The following EPS8L2 variants were observed in gnomAD, a reference collection of about 807,000 sequenced individuals.
EPS8L2 encodes the protein EPS8 signaling adaptor L2, also known as epidermal growth factor receptor kinase substrate 8-like protein 2.
EPS8L2 carries 81 observed loss-of-function variants against 99.4 expected under a neutral mutation model. The ratio of observed to expected loss-of-function variants is 0.82; its 90% CI spans 0.68 to 0.98. The LOEUF (loss-of-function observed/expected upper bound fraction) is 0.98. Among genes scored for constraint, EPS8L2 ranks in the 50% least tolerant of loss-of-function variants. EPS8L2 has a pLI of 0.00. For synonymous variants in EPS8L2, 509 were observed against 407.3 expected (o/e 1.25, Z -3.01); for missense variants, 1,155 against 968.8 (o/e 1.19, Z -2.55).
chr11:718,983 T>C (rs1461572588), intron 4 of EPS8L2, among the ~76,000 whole-genome samples: 1 of 149,136 alleles, frequency 6.7e-6, no homozygotes, highest in Non-Finnish European at 1.5e-5. Flanking sequence ...TTTTTTTTTT[T>C]GAGACAGAGT....
chr11:724,855 A>G lies in EPS8L2; in HGVS notation c.1560+26A>G. ...GTGAGGGGCTGGAGGACGGGGTCCA[A>G]GAGGGGGAAACAGGGCAGGGCTTCA... On this transcript the variant is annotated intron_variant, in intron 16 of 20. Transcript: ENST00000318562. The surrounding 1 kb of genome is among the most constrained non-coding windows in gnomAD (Gnocchi z 5.5). 4.5e-6 allele frequency: 7 copies of G among 1,547,808 alleles called. No homozygotes were observed. The highest frequency in any genetic ancestry group is 5.4e-6 in the Non-Finnish European group (6 of 1,121,362).
chr11:726,995 G>C lies in EPS8L2; in HGVS notation c.*14G>C. On this transcript the variant is annotated 3_prime_UTR_variant, in exon 21 of 21. Transcript: ENST00000318562. ...GAGGACAGCTAGGCCCAGCTGCCTT[G>C]GGCTGGGGCCTGCGGAGGGGAAGCC... 5 of 1,598,944 alleles carry C rather than the reference G, an allele frequency of 3.1e-6. No homozygotes were observed. The highest frequency in any genetic ancestry group is 4.3e-6 in the Non-Finnish European group (5 of 1,167,966).
rs1342236198 is a variant in EPS8L2, at chr11:727,491, A to G, written c.*510A>G. On this transcript the variant is annotated 3_prime_UTR_variant, in exon 21 of 21. Coordinates refer to ENST00000318562, the MANE Select transcript of EPS8L2 (RefSeq NM_022772.4). ...GGGGGAAAGTGGGGGAACGACACAC[A>G]CTTCACCTGCAAGGGCCGACAACGC... 6.5e-6 allele frequency: 1 copy of G among 153,952 alleles called. No individual in the cohort carries two copies. Among genetic ancestry groups the G allele is most frequent in the Non-Finnish European group, 1.4e-5 (1 of 69,020 alleles). 9.5% of individuals were successfully genotyped at this position (153,952 alleles called of 1,614,324 possible).
rs1167101062 is a variant in EPS8L2 at position 721,129 on chromosome 11, T to TC, written c.627dup (p.Phe210LeufsTer102). On this transcript the variant is annotated frameshift_variant, in exon 8 of 21. Coordinates refer to ENST00000318562, the MANE Select transcript of EPS8L2 (RefSeq NM_022772.4). LOFTEE classifies it high-confidence loss of function. ...CCTCCTCCCCAGGGCCCGGCGCCCATCCCCTTCCAGCACCGCGGCGGGGAT... is the reference window on the plus strand; with the variant it reads ...CCTCCTCCCCAGGGCCCGGCGCCCATCCCCCTTCCAGCACCGCGGCGGGGAT... 1 of 1,535,010 alleles carries TC rather than the reference T, an allele frequency of 6.5e-7. No homozygotes were observed.
Position 726,027 on chromosome 11 carries a change from G to A in EPS8L2, c.1681-71G>A, listed in dbSNP as rs1467870846. The A allele has an allele frequency of 1.8e-5, 23 of 1,306,820 alleles. 1 individual carries two copies. In the South Asian group the frequency reaches 2.0e-4, roughly 11 times the overall value. 81.0% of individuals were successfully genotyped at this position (1,306,820 alleles called of 1,614,324 possible). ...GGGCTGTAGGGGGATTGGCGGGGTG[G>A]GGAGGTCCCGGGCAGGTGCTGGGAG... is the stretch of plus-strand genomic sequence containing the variant. On this transcript the variant is annotated intron_variant, in intron 17 of 20. Coordinates refer to ENST00000318562, the MANE Select transcript of EPS8L2 (RefSeq NM_022772.4).
intron 3 of EPS8L2, 103 bp downstream of exon 3, chr11:709,711 C>T: frequency 3.6e-6 from 5 of 1,374,798 alleles, no homozygotes; most frequent in Non-Finnish European, 5.0e-6. Flanking sequence ...CCTGGTCTGG[C>T]CCAGGGGATC....
intron 16 of EPS8L2, among the ~76,000 whole-genome samples, chr11:725,211 G>C (rs1166047008): frequency 6.6e-6 from 1 of 152,222 alleles, no homozygotes; most frequent in Non-Finnish European, 1.5e-5. Context: ...GCAGGCTAGG[G>C]GGGAGTGGGC....
chr11:713,459 G>A (rs553013100), intron 4 of EPS8L2, among the ~76,000 whole-genome samples: 1 of 152,348 alleles, frequency 6.6e-6, no homozygotes, highest in South Asian at 2.1e-4. Flanking sequence ...TCAGCTCACT[G>A]CAACCTCTGC....
chr11:718,206 G>A (rs1050639394), intron 4 of EPS8L2, among the ~76,000 whole-genome samples: 5 of 151,856 alleles, frequency 3.3e-5, no homozygotes, highest in African/African-American at 7.3e-5. Context: ...GGTGGTGGGT[G>A]CCTATAATCC....
At position 724,997 on chromosome 11, in the gene EPS8L2, GA is replaced by G. The variant is rs1862277425; in HGVS notation, c.1560+169del. Among the ~76,000 whole-genome samples the G allele has an allele frequency of 2.0e-5, 3 of 152,352 alleles. No individual in the cohort carries two copies. The highest frequency in any genetic ancestry group is 7.2e-5 in the African/African-American group (3 of 41,578). On this transcript the variant is annotated intron_variant, in intron 16 of 20. Coordinates refer to ENST00000318562, the MANE Select transcript of EPS8L2 (RefSeq NM_022772.4). This position sits in a 1 kb window ranked among gnomAD's most constrained non-coding sequence, Gnocchi z 5.5. The stretch of plus-strand genomic sequence containing the variant: ...GTCCCCGCCCTTGGACTCTGATCAG[GA>G]TCCCCAGCCTGTTGGAGGGGCCTTC...
chr11:724,949 A>C lies in EPS8L2; in HGVS notation c.1560+120A>C. The C allele has an allele frequency of 1.4e-6, 1 of 726,930 alleles. No individual in the cohort carries two copies. The highest frequency in any genetic ancestry group is 2.7e-5 in the East Asian group (1 of 37,468). The allele number at this position is 726,930 out of a possible 1,614,324, so 45.0% of individuals were successfully genotyped here. On this transcript the variant is annotated intron_variant, in intron 16 of 20. Transcript: ENST00000318562. This position sits in a 1 kb window ranked among gnomAD's most constrained non-coding sequence, Gnocchi z 5.5. ...GCTGGGTGATGCCAGGACGGGGCAC[A>C]GCTGCTGGCCCCTTTCTCCAGGGTC...
intron 10 of EPS8L2, 47 bp from the exon 11 acceptor site, chr11:721,856 C>A: frequency 6.4e-7 from 1 of 1,551,440 alleles, no homozygotes; most frequent in South Asian, 1.2e-5. Flanking sequence ...GCGCAGGGGC[C>A]GGGGAGATCA....
Position 722,168 on chromosome 11 carries a change from G to A in EPS8L2, c.1059+3G>A, listed in dbSNP as rs780951207. 1 of 1,611,702 alleles carries A rather than the reference G, an allele frequency of 6.2e-7. No individual in the cohort carries two copies. Among genetic ancestry groups the A allele is most frequent in the South Asian group, 1.1e-5 (1 of 90,986 alleles). ...TCCTCTTCGGGCCTCTGGACCTGGT[G>A]CCTGGGGCCGGGCGGCAGGGGCGCG... On this transcript the variant is annotated splice_donor_region_variant and intron_variant, in intron 12 of 20. Transcript: ENST00000318562.
intron 15 of EPS8L2, among the ~76,000 whole-genome samples, chr11:723,615 G>A (rs560978118): frequency 3.2e-4 from 49 of 152,232 alleles, no homozygotes; most frequent in Non-Finnish European, 4.9e-4. Context: ...TAGAACCAAG[G>A]TTAGAAACTA....
Position 725,791 on chromosome 11 carries a change from C to A in EPS8L2, c.1624C>A (p.Pro542Thr). The A allele has an allele frequency of 1.5e-6, 2 of 1,374,582 alleles. No homozygotes were observed. The highest frequency in any genetic ancestry group is 2.8e-5 in the East Asian group (1 of 35,538). The allele number at this position is 1,374,582 out of a possible 1,614,324, so 85.1% of individuals were successfully genotyped here. A position where few individuals can be genotyped will look rare whatever the true frequency, so the allele number is the denominator to read the frequency against. Residue 542 changes from proline to threonine, a missense_variant, in exon 17 of 21, where the codon CCC becomes ACC. Pro to Thr is a conservative substitution (Grantham distance 38). Transcript: ENST00000318562. ...CCGCAGCGGCCAGGCGGGGTACGTG[C>A]CCTGCAACATCCTAGGCGAGGCGCG... ...RSRSGQAGYV[P>T]CNILGEARPE...
intron 4 of EPS8L2, among the ~76,000 whole-genome samples, chr11:711,615 A>G (rs1311296988): frequency 6.6e-6 from 1 of 152,074 alleles, no homozygotes; most frequent in Non-Finnish European, 1.5e-5. Flanking sequence ...CAGGCCTGGT[A>G]GTGTGAGCTC....
chr11:719,857 A>G (rs548492412), intron 4 of EPS8L2, among the ~76,000 whole-genome samples: 1 of 152,128 alleles, frequency 6.6e-6, no homozygotes, highest in South Asian at 2.1e-4. Context: ...CTTTGAGGAT[A>G]GTTTCAGGAC....
chr11:722,971 C>A (rs1217556119), intron 14 of EPS8L2, among the ~76,000 whole-genome samples, 166 bp downstream of exon 14: 52 of 98,280 alleles, frequency 5.3e-4, no homozygotes, highest in Non-Finnish European at 9.3e-4. Context: ...CACCCCTCCC[C>A]AGAGCTCCCC....
intron 18 of EPS8L2, 56 bp downstream of exon 18, chr11:726,226 A>C: frequency 6.5e-7 from 1 of 1,544,222 alleles, no homozygotes; most frequent in Non-Finnish European, 8.8e-7. Flanking sequence ...CTGGGGGAGG[A>C]AGTGTGGGGG....
Sources: allele counts gnomAD v4.1 joint callset (sites outside exome capture counted in the v4.1 genomes callset), GRCh38; gene constraint gnomAD v4.1.1; non-coding constraint Gnocchi (gnomAD v3.1); transcripts MANE v1.5; gene names NCBI Gene and HGNC (gene_info 2026-07-23, HGNC 2026-07-21).